DNER: variants seen among roughly 807,000 people sequenced by gnomAD.
The protein encoded by DNER is delta/notch like EGF repeat containing.
In DNER, 33 loss-of-function variants were observed where a neutral mutation model predicts 78.2. That is an observed-to-expected ratio of 0.42 (90% CI 0.32 to 0.56). The LOEUF is 0.56. DNER is among the 20% of genes least tolerant of loss of function. The pLI, the probability that DNER is intolerant of heterozygous loss-of-function variation, is 0.11. For synonymous variants in DNER, 417 were observed against 384.8 expected (o/e 1.08, Z -0.98); for missense variants, 918 against 975.3 (o/e 0.94, Z 0.78).
At chr2:229,393,253 C>T (rs1178717418) in intron 10 of DNER, among the ~76,000 whole-genome samples, 2 of 151,834 alleles carry the variant, frequency 1.3e-5, no homozygotes, top group Non-Finnish European at 2.9e-5. Flanking sequence ...CATGGCGAAA[C>T]CCCGTCTCTA....
intron 7 of DNER, among the ~76,000 whole-genome samples, chr2:229,471,835 A>C (rs1694929718): frequency 6.6e-6 from 1 of 152,182 alleles, no homozygotes; most frequent in Non-Finnish European, 1.5e-5. Context: ...AGAAGCCAAG[A>C]CCTTGTCAAA....
chr2:229,553,044 C>T (rs763938115), intron 4 of DNER, among the ~76,000 whole-genome samples: 2 of 152,174 alleles, frequency 1.3e-5, no homozygotes, highest in Non-Finnish European at 2.9e-5. Context: ...TCCAGGCCAT[C>T]GCATCCTAGA....
rs190151005 is a variant in DNER, at chr2:229,673,193, T to A, written c.276+40955A>T. ...TCAGATAAGATTCCTGTCCATAAAT[T>A]CTTTGAACTGAATCAAAATAAATGC... On this transcript the variant is annotated intron_variant, in intron 1 of 12. Coordinates refer to ENST00000341772, the MANE Select transcript of DNER (RefSeq NM_139072.4). 8.5e-5 allele frequency among the ~76,000 whole-genome samples: 13 copies of A among 152,338 alleles called. No homozygotes were observed. In the East Asian group the frequency reaches 2.3e-3, roughly 27 times the overall value.
At chr2:229,640,222 A>G (rs1698593075) in intron 1 of DNER, among the ~76,000 whole-genome samples, 1 of 152,236 alleles carries the variant, frequency 6.6e-6, no homozygotes, top group Admixed American at 6.5e-5. Context: ...AGTCAACACA[A>G]TTTCAGCTCT....
Position 229,524,756 on chromosome 2 carries a change from T to A in DNER, c.994-11820A>T, listed in dbSNP as rs1306194479. ...AGGGAGGAGCTGCACCTGCACCTGG[T>A]CCAGGTAAAAGGGTGAAGCCCTTGA... On this transcript the variant is annotated intron_variant, in intron 5 of 12. Transcript: ENST00000341772. Among the ~76,000 whole-genome samples the A allele has an allele frequency of 5.3e-5, 8 of 152,170 alleles. 1 individual carries two copies. The highest frequency in any genetic ancestry group is 1.7e-4 in the African/African-American group (7 of 41,440).
chr2:229,584,057 T>G (rs1697451308), intron 4 of DNER, among the ~76,000 whole-genome samples: 1 of 152,224 alleles, frequency 6.6e-6, no homozygotes, highest in Non-Finnish European at 1.5e-5. Flanking sequence ...GAGCATTTTC[T>G]TACATCCCTT....
intron 5 of DNER, among the ~76,000 whole-genome samples, chr2:229,543,209 C>T (rs999915114): frequency 4.6e-5 from 7 of 152,126 alleles, no homozygotes; most frequent in Admixed American, 2.0e-4. Context: ...GATGGAGATG[C>T]GCTGCCTCTG....
At chr2:229,627,857 C>A (rs1199726890) in intron 1 of DNER, among the ~76,000 whole-genome samples, 1 of 152,194 alleles carries the variant, frequency 6.6e-6, no homozygotes, top group African/African-American at 2.4e-5. Context: ...GCATCTATAG[C>A]CCCAGGGGCA....
rs1286404166 is a variant in DNER, at chr2:229,499,931, C to CTTTCT, written c.1147+12851_1147+12852insAGAAA. ...CAAAAAATCTGAATAGACTTTCTTT[C>CTTTCT]TTTTTTTTTTTTTTTCTCTTCAAGA... On this transcript the variant is annotated intron_variant, in intron 6 of 12. Coordinates refer to ENST00000341772, the MANE Select transcript of DNER (RefSeq NM_139072.4). Among the ~76,000 whole-genome samples the CTTTCT allele has an allele frequency of 2.7e-4, 36 of 134,834 alleles. 1 individual carries two copies. The highest frequency in any genetic ancestry group is 4.5e-4 in the South Asian group (2 of 4,406). 88.5% of individuals were successfully genotyped at this position (134,834 alleles called of 152,430 possible).
intron 1 of DNER, among the ~76,000 whole-genome samples, chr2:229,691,199 T>C (rs1013092061): frequency 6.6e-6 from 1 of 152,192 alleles, no homozygotes; most frequent in African/African-American, 2.4e-5. Flanking sequence ...TCCTGAGAAA[T>C]TGAGAAGAGA....
intron 8 of DNER, among the ~76,000 whole-genome samples, chr2:229,441,020 A>C (rs1365343181): frequency 6.6e-6 from 1 of 152,128 alleles, no homozygotes; most frequent in East Asian, 1.9e-4. Context: ...AATAATGCCA[A>C]ATGTCTGCAA....
At position 229,358,248 on chromosome 2, in the gene DNER, C is replaced by A; in HGVS notation, c.*292G>T. On this transcript the variant is annotated 3_prime_UTR_variant, in exon 13 of 13. Coordinates refer to ENST00000341772, the MANE Select transcript of DNER (RefSeq NM_139072.4). ...TTGATTAGACTTATTCTGTAACAAC[C>A]ACAGAAATTAATCTGGGTCTCGTGA... The A allele has an allele frequency of 5.1e-6, 1 of 195,524 alleles. No homozygotes were observed. The highest frequency in any genetic ancestry group is 1.0e-5 in the Non-Finnish European group (1 of 95,816). The allele number at this position is 195,524 out of a possible 1,614,324, so 12.1% of individuals were successfully genotyped here.
chr2:229,395,630 G>A (rs1366101514), intron 10 of DNER, among the ~76,000 whole-genome samples: 1 of 152,188 alleles, frequency 6.6e-6, no homozygotes, highest in African/African-American at 2.4e-5. Context: ...CTGGTGCAGT[G>A]GCTCATGCCT....
intron 1 of DNER, among the ~76,000 whole-genome samples, chr2:229,648,988 G>C (rs1698766583): frequency 6.6e-6 from 1 of 152,170 alleles, no homozygotes; most frequent in South Asian, 2.1e-4. Context: ...CAGCTAACCT[G>C]TGTAGTGAGG....
chr2:229,381,139 G>A (rs978079367), intron 11 of DNER, among the ~76,000 whole-genome samples: 1 of 152,006 alleles, frequency 6.6e-6, no homozygotes, highest in Non-Finnish European at 1.5e-5. Flanking sequence ...GAAGCAGGAT[G>A]GGGTGTCGCC....
chr2:229,504,300 A>T (rs1574873823), intron 6 of DNER, among the ~76,000 whole-genome samples: 1 of 152,004 alleles, frequency 6.6e-6, no homozygotes, highest in Non-Finnish European at 1.5e-5. Flanking sequence ...GCTCACTGCA[A>T]CCTCTGCCTC....
intron 10 of DNER, among the ~76,000 whole-genome samples, chr2:229,406,534 T>C (rs1388546986): frequency 6.6e-6 from 1 of 152,168 alleles, no homozygotes; most frequent in Non-Finnish European, 1.5e-5. Context: ...GCCTGAGAGA[T>C]AAATTAATCA....
At chr2:229,423,363 C>T (rs978083048) in intron 8 of DNER, among the ~76,000 whole-genome samples, 1 of 152,028 alleles carries the variant, frequency 6.6e-6, no homozygotes, top group Admixed American at 6.6e-5. Flanking sequence ...CCCTGTAATC[C>T]CAGCACTTTG....
intron 5 of DNER, among the ~76,000 whole-genome samples, chr2:229,543,629 A>C (rs1696558984): frequency 6.6e-6 from 1 of 152,090 alleles, no homozygotes; most frequent in African/African-American, 2.4e-5. Flanking sequence ...GCCTGGGGGA[A>C]GATCTGTGTG....
Sources: gnomAD v4.1 joint callset for allele counts (sites outside exome capture counted in the v4.1 genomes callset) on GRCh38, gnomAD v4.1.1 for gene constraint, MANE v1.5 for transcripts, NCBI Gene and HGNC (gene_info 2026-07-23, HGNC 2026-07-21) for gene names.